The following CFAP44 variants were observed in gnomAD, a reference collection of about 807,000 sequenced individuals.
The protein encoded by CFAP44 is cilia- and flagella-associated protein 44.
Under a neutral mutation model 216.2 loss-of-function variants are expected in CFAP44, and 134 were observed. The observed-to-expected ratio is 0.62, with a 90% CI of 0.54 to 0.72. The LOEUF (loss-of-function observed/expected upper bound fraction) is 0.72. CFAP44 is among the 30% of genes least tolerant of loss of function. The pLI, the probability that CFAP44 is intolerant of heterozygous loss-of-function variation, is 0.00. For synonymous variants in CFAP44, 700 were observed against 727.6 expected (o/e 0.96, Z 0.61); for missense variants, 2,035 against 2,182.1 (o/e 0.93, Z 1.34).
At chr3:113,401,380 G>A in intron 10 of CFAP44, 93 bp from the exon 11 acceptor site, 3 of 1,266,110 alleles carry the variant, frequency 2.4e-6, no homozygotes, top group South Asian at 2.8e-5. Context: ...GTAAGGACAA[G>A]CAATAATATC....
chr3:113,413,745 C>A (rs1053852428), intron 6 of CFAP44, among the ~76,000 whole-genome samples: 1 of 152,156 alleles, frequency 6.6e-6, no homozygotes, highest in Admixed American at 6.5e-5. Flanking sequence ...CAGTACCATG[C>A]TGTTTTGTTT....
intron 25 of CFAP44, among the ~76,000 whole-genome samples, chr3:113,331,383 T>G (rs947761784): frequency 1.3e-5 from 2 of 152,094 alleles, no homozygotes; most frequent in Non-Finnish European, 2.9e-5. Flanking sequence ...GCAACCCTAC[T>G]GTACTTCCTG....
At position 113,334,958 on chromosome 3, in the gene CFAP44, T is replaced by G. The variant is rs554135964; in HGVS notation, c.3438-1375A>C. Among the ~76,000 whole-genome samples the G allele has an allele frequency of 1.2e-4, 18 of 152,276 alleles. No individual in the cohort carries two copies. In the South Asian group the frequency reaches 3.5e-3, roughly 30 times the overall value. The stretch of plus-strand genomic sequence containing the variant: ...GCTCTCACAGGAAACCCATACCATC[T>G]ATTGTATTAACTGATAATCATTTAT... On this transcript the variant is annotated intron_variant, in intron 24 of 34. Coordinates refer to ENST00000393845, the MANE Select transcript of CFAP44 (RefSeq NM_001164496.2).
intron 26 of CFAP44, among the ~76,000 whole-genome samples, chr3:113,328,861 G>C (rs1950216935): frequency 6.6e-6 from 1 of 152,070 alleles, no homozygotes; most frequent in African/African-American, 2.4e-5. Flanking sequence ...AGGTCTCCAA[G>C]TCTGTAAGGA....
At chr3:113,349,991 G>A (rs995946011) in intron 22 of CFAP44, among the ~76,000 whole-genome samples, 1 of 152,214 alleles carries the variant, frequency 6.6e-6, no homozygotes, top group Non-Finnish European at 1.5e-5. Context: ...TGGAAAGAAA[G>A]GGAGTTCCTA....
intron 6 of CFAP44, among the ~76,000 whole-genome samples, chr3:113,415,022 T>C (rs1230391481): frequency 6.6e-6 from 1 of 152,176 alleles, no homozygotes; most frequent in Non-Finnish European, 1.5e-5. Context: ...GGCTATTAAT[T>C]ACTGCCTCAA....
intron 11 of CFAP44, 91 bp downstream of exon 11, chr3:113,401,149 A>AT (rs1934129507): frequency 1.6e-6 from 2 of 1,224,774 alleles, no homozygotes; most frequent in African/African-American, 1.6e-5. Context: ...CCATGATGAA[A>AT]TATGGAGAAA....
At position 113,306,245 on chromosome 3, in the gene CFAP44, T is replaced by C. The variant is rs2107793706; in HGVS notation, c.4714A>G (p.Ile1572Val). ...IEEALVEEKK[I>V]VDNLKKEYDT... ...TATTCCTTTTTGAGGTTATCAACAA[T>C]TTTCTTTTCTTCAACTAAAGCCTCC... Residue 1572 changes from isoleucine (I) to valine (V), a missense_variant, in exon 30 of 35, where the codon ATT (isoleucine) becomes GTT (valine). Physicochemically the swap from Ile to Val is conservative, Grantham distance 29. Around this residue, in one of 3 missense-constraint regions of CFAP44, gnomAD observed 1,883 missense variants for 2,023.7 expected, o/e 0.93. Transcript: ENST00000393845. 2 of 1,537,054 alleles carry C rather than the reference T, an allele frequency of 1.3e-6. No individual in the cohort carries two copies. The highest frequency in any genetic ancestry group is 1.2e-5 in the South Asian group (1 of 83,990).
chr3:113,305,121 G>A lies in CFAP44; in HGVS notation c.4790C>T (p.Ala1597Val). ...CTGATAAGCCTCCAGGGCCTCCTCT[G>A]CTGCATTCAGATTAGTTGCCACAAT... ...VKIVATNLNAAEEALEAYQRE... is the reference protein window; with the variant it reads ...VKIVATNLNAVEEALEAYQRE... Residue 1597 changes from alanine (A) to valine (V), a missense_variant, in exon 31 of 35, where the codon GCA becomes GTA. Ala to Val is a moderately conservative substitution (Grantham distance 64, BLOSUM62 0). This residue lies in a region of CFAP44 where 1,883 missense variants were observed against 2,023.7 expected (regional missense o/e 0.93). Coordinates refer to ENST00000393845, the MANE Select transcript of CFAP44 (RefSeq NM_001164496.2). 1 of 1,537,226 alleles carries A rather than the reference G, an allele frequency of 6.5e-7. No homozygotes were observed.
chr3:113,305,133 T>C lies in CFAP44; in HGVS notation c.4778A>G (p.Asn1593Ser). The change falls in exon 31 of 35, where the codon AAT becomes AGT. Residue 1593 changes from asparagine to serine, a missense_variant. By Grantham distance (46) the Asn-to-Ser change is conservative. Around this residue, in one of 3 missense-constraint regions of CFAP44, gnomAD observed 1,883 missense variants for 2,023.7 expected, o/e 0.93. Coordinates refer to ENST00000393845, the MANE Select transcript of CFAP44 (RefSeq NM_001164496.2). ...CAGGGCCTCCTCTGCTGCATTCAGA[T>C]TAGTTGCCACAATTTTCACCTGTAG... ...LSKKVKIVAT[N>S]LNAAEEALEA... 2.0e-6 allele frequency: 3 copies of C among 1,537,218 alleles called. No individual in the cohort carries two copies. Among genetic ancestry groups the C allele is most frequent in the Non-Finnish European group, 2.6e-6 (3 of 1,146,898 alleles).
At chr3:113,389,598 A>T (rs997064915) in intron 15 of CFAP44, among the ~76,000 whole-genome samples, 1 of 152,114 alleles carries the variant, frequency 6.6e-6, no homozygotes, top group Admixed American at 6.6e-5. Flanking sequence ...AGATAAATTG[A>T]CAAACCTTTA....
chr3:113,369,908 A>T (rs1559926404), intron 18 of CFAP44, among the ~76,000 whole-genome samples: 1 of 152,204 alleles, frequency 6.6e-6, no homozygotes, highest in Non-Finnish European at 1.5e-5. Context: ...ATCACCACTG[A>T]TCCCACAGAA....
At chr3:113,416,112 C>T (rs1320358908) in intron 6 of CFAP44, among the ~76,000 whole-genome samples, 2 of 152,004 alleles carry the variant, frequency 1.3e-5, no homozygotes, top group Non-Finnish European at 2.9e-5. Flanking sequence ...TATGTAATGC[C>T]CTTGTCTTTT....
At chr3:113,385,596 G>A (rs1432198984) in intron 15 of CFAP44, among the ~76,000 whole-genome samples, 1 of 151,988 alleles carries the variant, frequency 6.6e-6, no homozygotes, top group African/African-American at 2.4e-5. Context: ...ACATCTGTTA[G>A]GGCTATTTGG....
chr3:113,434,710 G>C (rs1488969409), intron 1 of CFAP44: 1 of 152,166 alleles, frequency 6.6e-6, no homozygotes, highest in African/African-American at 2.4e-5. Context: ...TTTATAGTTA[G>C]ATTAGGGTTT....
intron 18 of CFAP44, 78 bp from the exon 19 acceptor site, chr3:113,366,387 CTAAAT>C: frequency 6.6e-7 from 1 of 1,506,190 alleles, no homozygotes; most frequent in Non-Finnish European, 9.0e-7. Context: ...TGACAAGTGG[CTAAAT>C]TAATAACAAA....
chr3:113,348,164 C>T (rs1433215935), intron 22 of CFAP44, among the ~76,000 whole-genome samples: 5 of 152,122 alleles, frequency 3.3e-5, no homozygotes, highest in African/African-American at 1.2e-4. Flanking sequence ...CTATTCTGAT[C>T]AGCAGGGTCC....
intron 32 of CFAP44, among the ~76,000 whole-genome samples, chr3:113,297,466 G>C (rs1190074413): frequency 2.6e-5 from 4 of 152,048 alleles, no homozygotes; most frequent in Non-Finnish European, 1.5e-5. Flanking sequence ...CTTCCCCAGA[G>C]ATCCACACGG....
rs1305478639 is a variant in CFAP44 at position 113,304,020 on chromosome 3, T to C, written c.4973A>G (p.Glu1658Gly). The change falls in exon 32 of 35, where the codon GAG becomes GGG. Residue 1658 changes from glutamate (E) to glycine (G), a missense_variant. Around this residue, in one of 3 missense-constraint regions of CFAP44, gnomAD observed 1,883 missense variants for 2,023.7 expected, o/e 0.93. Coordinates refer to ENST00000393845, the MANE Select transcript of CFAP44 (RefSeq NM_001164496.2). ...ALRRLQERIH[E>G]LQEENSKQQK... ...CTGCTTGGAATTTTCCTCCTGGAGC[T>C]CATGGATTCGTTCTTGCAGCCGTCT... The C allele has an allele frequency of 2.0e-6, 3 of 1,537,398 alleles. No individual in the cohort carries two copies. In the African/African-American group the frequency reaches 4.1e-5, roughly 21 times the overall value.
Sources: gnomAD v4.1 joint callset for allele counts (sites outside exome capture counted in the v4.1 genomes callset) on GRCh38, gnomAD v4.1.1 for gene constraint, gnomAD v4.1.1 regional missense constraint, MANE v1.5 for transcripts, NCBI Gene and HGNC (gene_info 2026-07-23, HGNC 2026-07-21) for gene names.